Variants in RPAP2 observed in about 807,000 individuals in gnomAD.
The protein encoded by RPAP2 is RNA polymerase II associated protein 2, also known as putative RNA polymerase II subunit B1 CTD phosphatase RPAP2.
RPAP2 carries 52 observed loss-of-function variants against 73.1 expected under a neutral mutation model. That is an observed-to-expected ratio of 0.71 (90% CI 0.57 to 0.90). RPAP2 has a LOEUF of 0.90. Ranked by LOEUF, RPAP2 falls within the 40% of genes least tolerant of loss-of-function variation. The pLI is 0.00. For synonymous variants in RPAP2, 225 were observed against 242.1 expected, an observed-to-expected ratio of 0.93 and a Z score of 0.65; for missense variants, 598 against 701.8, an observed-to-expected ratio of 0.85 and a Z score of 1.67.
rs1261715421 is a variant in RPAP2 at position 92,387,271 on chromosome 1, G to A, written c.*260G>A. Reference sequence around the variant, plus strand: ...AGTACAAGACATAGTATTTTTATTCGAAAATGAATGTTTAAGTATTAAATT... The same window carrying A: ...AGTACAAGACATAGTATTTTTATTCAAAAATGAATGTTTAAGTATTAAATT... On this transcript the variant is annotated 3_prime_UTR_variant, in exon 13 of 13. Coordinates refer to ENST00000610020, the MANE Select transcript of RPAP2 (RefSeq NM_024813.3). The A allele has an allele frequency of 2.0e-5, 6 of 295,378 alleles. No homozygotes were observed. The highest frequency in any genetic ancestry group is 1.6e-4 in the East Asian group (3 of 18,392). The allele number at this position is 295,378 out of a possible 1,614,324, so 18.3% of individuals were successfully genotyped here.
chr1:92,336,751 A>C (rs1653300942), intron 10 of RPAP2, among the ~76,000 whole-genome samples: 1 of 152,112 alleles, frequency 6.6e-6, no homozygotes, highest in African/African-American at 2.4e-5. Context: ...TGGCTGACCC[A>C]CACTGCACCA....
chr1:92,313,238 C>T lies in RPAP2; in HGVS notation c.488+5962C>T, dbSNP rs557131546. ...GATTTCTATTTACTTTGCCCAAATC[C>T]ATCAGAGGAATCACTCTATGGCAAC... On this transcript the variant is annotated intron_variant, in intron 6 of 12. Coordinates refer to ENST00000610020, the MANE Select transcript of RPAP2 (RefSeq NM_024813.3). Among the ~76,000 whole-genome samples, 22 of 152,252 alleles carry T rather than the reference C, an allele frequency of 1.4e-4. No individual in the cohort carries two copies. The East Asian group carries it at 4.3e-3, about 29-fold the overall frequency.
chr1:92,373,363 T>C (rs551599303), intron 11 of RPAP2, among the ~76,000 whole-genome samples: 3 of 152,256 alleles, frequency 2.0e-5, no homozygotes, highest in East Asian at 1.9e-4. Flanking sequence ...ATGATTGGAA[T>C]AGAATGAGCC....
At chr1:92,299,694 TAGAC>T (rs1650659725) in intron 1 of RPAP2, among the ~76,000 whole-genome samples, 2 of 152,184 alleles carry the variant, frequency 1.3e-5, no homozygotes. Flanking sequence ...CAAGAAAAAT[TAGAC>T]AGTAATCAAT....
At chr1:92,366,927 A>G (rs1654959269) in intron 11 of RPAP2, among the ~76,000 whole-genome samples, 1 of 152,182 alleles carries the variant, frequency 6.6e-6, no homozygotes, top group Admixed American at 6.5e-5. Flanking sequence ...TTAATCCTTG[A>G]TCATTTACCA....
intron 11 of RPAP2, among the ~76,000 whole-genome samples, chr1:92,370,885 C>G (rs1025767034): frequency 2.6e-5 from 4 of 152,052 alleles, no homozygotes; most frequent in African/African-American, 7.2e-5. Flanking sequence ...GCCAGAATTA[C>G]ACAGAAATAA....
chr1:92,307,024 A>G (rs1651287828), intron 5 of RPAP2, among the ~76,000 whole-genome samples, 164 bp from the exon 6 acceptor site: 1 of 152,226 alleles, frequency 6.6e-6, no homozygotes, highest in Admixed American at 6.5e-5. Flanking sequence ...GAAGGGGCAC[A>G]TAGAGGCCTT....
intron 12 of RPAP2, among the ~76,000 whole-genome samples, chr1:92,384,746 T>A (rs1358150803): frequency 6.6e-6 from 1 of 152,130 alleles, no homozygotes; most frequent in East Asian, 1.9e-4. Context: ...AGGAGTGAGC[T>A]TGGGTTGGTT....
chr1:92,300,583 C>T (rs571516846), intron 2 of RPAP2, among the ~76,000 whole-genome samples: 1 of 152,298 alleles, frequency 6.6e-6, no homozygotes, highest in East Asian at 1.9e-4. Flanking sequence ...CTTTTCTGTT[C>T]TTTGTTACAT....
At chr1:92,377,343 A>G (rs1655422465) in intron 11 of RPAP2, among the ~76,000 whole-genome samples, 1 of 151,986 alleles carries the variant, frequency 6.6e-6, no homozygotes, top group Admixed American at 6.6e-5. Flanking sequence ...ACATGATGAA[A>G]CCACTTCTCT....
intron 3 of RPAP2, among the ~76,000 whole-genome samples, chr1:92,302,970 G>T (rs1312002284): frequency 2.6e-5 from 4 of 152,160 alleles, no homozygotes; most frequent in Admixed American, 2.6e-4. Flanking sequence ...AAGCCAAGGC[G>T]GTAGGATCGC....
intron 11 of RPAP2, among the ~76,000 whole-genome samples, chr1:92,377,332 A>G (rs1249854611): frequency 6.6e-6 from 1 of 152,022 alleles, no homozygotes; most frequent in Non-Finnish European, 1.5e-5. Flanking sequence ...CATCCTGGCC[A>G]ACATGATGAA....
rs1253110515 is a variant in RPAP2, at chr1:92,391,117, A to T, written c.*4106A>T. The T allele has an allele frequency of 1.3e-5, 2 of 152,238 alleles. No homozygotes were observed. The highest frequency in any genetic ancestry group is 4.8e-5 in the African/African-American group (2 of 41,464). 9.4% of individuals were successfully genotyped at this position (152,238 alleles called of 1,614,324 possible). On this transcript the variant is annotated 3_prime_UTR_variant, in exon 13 of 13. Transcript: ENST00000610020. ...AGCACCACATCACACTTATTCCAAA[A>T]TTGACCACATAATTGGAAGTAAAGC...
chr1:92,315,240 G>A (rs556193638), intron 6 of RPAP2, among the ~76,000 whole-genome samples: 73 of 152,286 alleles, frequency 4.8e-4, no homozygotes, highest in African/African-American at 1.6e-3. Flanking sequence ...AAGAGGAAGC[G>A]AGATGGGTGA....
chr1:92,387,237 T>C lies in RPAP2; in HGVS notation c.*226T>C. The C allele has an allele frequency of 2.6e-6, 1 of 381,050 alleles. No homozygotes were observed. The highest frequency in any genetic ancestry group is 4.7e-6 in the Non-Finnish European group (1 of 211,746). The allele number at this position is 381,050 out of a possible 1,614,324, so 23.6% of individuals were successfully genotyped here. On this transcript the variant is annotated 3_prime_UTR_variant, in exon 13 of 13. Coordinates refer to ENST00000610020, the MANE Select transcript of RPAP2 (RefSeq NM_024813.3). The stretch of plus-strand genomic sequence containing the variant: ...ACTCCAACAAGAATAACCAAGTCTT[T>C]GTATCCCTAGTACAAGACATAGTAT...
Position 92,392,285 on chromosome 1 carries a change from CAT to C in RPAP2, c.*5275_*5276del, listed in dbSNP as rs1036442225. On this transcript the variant is annotated 3_prime_UTR_variant, in exon 13 of 13. Coordinates refer to ENST00000610020, the MANE Select transcript of RPAP2 (RefSeq NM_024813.3). The stretch of plus-strand genomic sequence containing the variant: ...TAAACAGAACCAACGGCAAAAACCA[CAT>C]GATTATCTCAATAGATACAAAAAAG... 3.9e-4 allele frequency: 59 copies of C among 152,288 alleles called. No homozygotes were observed. Among genetic ancestry groups the C allele is most frequent in the African/African-American group, 1.3e-3 (56 of 41,550 alleles). 9.4% of individuals were successfully genotyped at this position (152,288 alleles called of 1,614,324 possible).
chr1:92,358,286 C>G (rs1654582959), intron 11 of RPAP2, among the ~76,000 whole-genome samples: 1 of 152,116 alleles, frequency 6.6e-6, no homozygotes, highest in Non-Finnish European at 1.5e-5. Flanking sequence ...CTCTGACCTT[C>G]TTTCATATGT....
At chr1:92,345,037 TTC>T (rs1172844306) in intron 10 of RPAP2, among the ~76,000 whole-genome samples, 3 of 152,314 alleles carry the variant, frequency 2.0e-5, no homozygotes, top group Non-Finnish European at 4.4e-5. Context: ...TAAAATTTAC[TTC>T]TGTTTTTTTA....
rs1278286965 is a variant in RPAP2 at position 92,307,131 on chromosome 1, G to A, written c.400-57G>A. 13 of 1,151,664 alleles carry A rather than the reference G, an allele frequency of 1.1e-5. No individual in the cohort carries two copies. In the East Asian group the frequency reaches 3.1e-4, roughly 28 times the overall value. 71.3% of individuals were successfully genotyped at this position (1,151,664 alleles called of 1,614,324 possible). A position where few individuals can be genotyped will look rare whatever the true frequency, so the allele number is the denominator to read the frequency against. On this transcript the variant is annotated intron_variant, in intron 5 of 12. Coordinates refer to ENST00000610020, the MANE Select transcript of RPAP2 (RefSeq NM_024813.3). The stretch of plus-strand genomic sequence containing the variant: ...ACATTTATGTTTTATACTCTCAACT[G>A]TATGTAGGTAATGTTTCATGATAAG...
Sources: gnomAD v4.1 joint callset for allele counts (sites outside exome capture counted in the v4.1 genomes callset) on GRCh38, gnomAD v4.1.1 for gene constraint, MANE v1.5 for transcripts, NCBI Gene and HGNC (gene_info 2026-07-23, HGNC 2026-07-21) for gene names.